Variants in ABCA13 observed in about 807,000 individuals in gnomAD.
ABCA13 encodes ATP binding cassette subfamily A member 13.
A neutral mutation model predicts 478.7 loss-of-function variants in ABCA13; 476 were observed. That is an observed-to-expected ratio of 0.99 (90% CI 0.92 to 1.07). The LOEUF is 1.07. ABCA13 is among the 50% of genes least tolerant of loss of function. ABCA13 has a pLI of 0.00. For missense variants in ABCA13, 6,060 were observed against 5,910.6 expected (o/e 1.03, Z -0.83); for synonymous variants, 2,252 against 2,158.9 (o/e 1.04, Z -1.20).
chr7:48,520,218 G>T lies in ABCA13; in HGVS notation c.13975G>T (p.Val4659Leu), dbSNP rs369296047. ...GATGAACTTTCTGGGCTGGATCTTC[G>T]TGCAACTGGCCTCGCAGGGCACAGT... ...FEMNFLGWIF[V>L]QLASQGTVLL... Residue 4659 changes from valine (V) to leucine (L), a missense_variant, in exon 53 of 62, where the codon GTG (valine) becomes TTG (leucine). Val to Leu is a conservative substitution (Grantham distance 32). This residue lies in a region of ABCA13 where 1,627 missense variants were observed against 1,571.0 expected (regional missense o/e 1.04). Transcript: ENST00000435803. The T allele has an allele frequency of 6.2e-7, 1 of 1,613,478 alleles. No individual in the cohort carries two copies. Among genetic ancestry groups the T allele is most frequent in the East Asian group, 2.2e-5 (1 of 44,792 alleles).
chr7:48,554,822 TTTATTATTA>T (rs58085063), intron 55 of ABCA13, among the ~76,000 whole-genome samples: 20,458 of 147,316 alleles, frequency 0.14, 1,767 homozygotes, highest in African/African-American at 0.23. Flanking sequence ...ATTATTATTA[TTTATTATTA>T]TTATTATTAT....
intron 46 of ABCA13, among the ~76,000 whole-genome samples, chr7:48,482,047 T>A (rs1248754370): frequency 1.3e-5 from 2 of 152,160 alleles, no homozygotes; most frequent in Admixed American, 6.5e-5. Context: ...AACATTATAT[T>A]TTTTTAAATG....
intron 28 of ABCA13, 118 bp downstream of exon 28, chr7:48,335,653 T>G (rs1438845748): frequency 3.2e-6 from 2 of 628,398 alleles, no homozygotes; most frequent in African/African-American, 3.7e-5. Flanking sequence ...TGGTTCTAGT[T>G]GACTCATATA....
intron 15 of ABCA13, among the ~76,000 whole-genome samples, chr7:48,255,688 C>A (rs998892018): frequency 2.6e-5 from 4 of 152,012 alleles, no homozygotes; most frequent in Admixed American, 1.3e-4. Context: ...TATGTACCAC[C>A]TTTTCTTTAT....
intron 55 of ABCA13, among the ~76,000 whole-genome samples, chr7:48,552,182 A>G (rs1785388312): frequency 6.6e-6 from 1 of 151,756 alleles, no homozygotes; most frequent in African/African-American, 2.4e-5. Context: ...AGGGCCTTAA[A>G]AAAAAAGTTA....
intron 55 of ABCA13, among the ~76,000 whole-genome samples, chr7:48,559,480 C>T (rs1786220905): frequency 6.6e-6 from 1 of 152,120 alleles, no homozygotes; most frequent in Admixed American, 6.5e-5. Context: ...TAGGCTTGGA[C>T]TCTGATACCC....
At chr7:48,632,836 A>G (rs930083009) in intron 59 of ABCA13, among the ~76,000 whole-genome samples, 64 of 152,312 alleles carry the variant, frequency 4.2e-4, no homozygotes, top group African/African-American at 1.5e-3. Context: ...CGTGTTTTCA[A>G]TAAGTAGTGC....
Position 48,313,174 on chromosome 7 carries a change from T to C in ABCA13, c.9624T>C (p.Pro3208=), listed in dbSNP as rs746884358. ...CCCAGCACGTCTTTGAGTATCTTCCTGAGTTTCTTCACACATTTAAAATCA... is the reference window on the plus strand; with the variant it reads ...CCCAGCACGTCTTTGAGTATCTTCCCGAGTTTCTTCACACATTTAAAATCA... The part of the protein sequence containing the change: ...AKAQHVFEYL[P]EFLHTFKITA... The change falls in exon 25 of 62, where the codon CCT becomes CCC. Residue 3208 remains proline, a synonymous_variant. Transcript: ENST00000435803. 1 of 1,612,944 alleles carries C rather than the reference T, an allele frequency of 6.2e-7. No homozygotes were observed. The highest frequency in any genetic ancestry group is 8.5e-7 in the Non-Finnish European group (1 of 1,179,394).
chr7:48,471,433 GT>G, intron 44 of ABCA13, 96 bp from the exon 45 acceptor site: 1 of 1,113,570 alleles, frequency 9.0e-7, no homozygotes, highest in South Asian at 1.4e-5. Context: ...TGATTATCTT[GT>G]GAACTCTGTT....
At chr7:48,296,958 G>C (rs1222613876) in intron 21 of ABCA13, among the ~76,000 whole-genome samples, 1 of 152,122 alleles carries the variant, frequency 6.6e-6, no homozygotes, top group Non-Finnish European at 1.5e-5. Flanking sequence ...CTTCACAGTT[G>C]TGAAAAGCCA....
chr7:48,550,402 C>A (rs939637038), intron 55 of ABCA13, among the ~76,000 whole-genome samples: 11 of 151,430 alleles, frequency 7.3e-5, no homozygotes, highest in African/African-American at 2.4e-4. Context: ...GGAGTACAGG[C>A]GCCTGCCACC....
chr7:48,610,311 G>A (rs142369107), intron 58 of ABCA13, among the ~76,000 whole-genome samples: 2 of 152,306 alleles, frequency 1.3e-5, no homozygotes, highest in South Asian at 2.1e-4. Context: ...AATCTCCTTT[G>A]ATTCCATGTC....
At chr7:48,210,289 A>C (rs1440401470) in intron 3 of ABCA13, among the ~76,000 whole-genome samples, 1 of 152,180 alleles carries the variant, frequency 6.6e-6, no homozygotes, top group Non-Finnish European at 1.5e-5. Context: ...CACTATCATG[A>C]GAAGAGCATG....
Position 48,580,325 on chromosome 7 carries a change from T to C in ABCA13, c.14456T>C (p.Leu4819Pro), listed in dbSNP as rs748181629. The change falls in exon 56 of 62, where the codon CTC (leucine) becomes CCC (proline). Residue 4819 changes from leucine (L) to proline (P), a missense_variant. Leu to Pro is a moderately conservative substitution (Grantham distance 98). This residue lies in a region of ABCA13 where 1,627 missense variants were observed against 1,571.0 expected (regional missense o/e 1.04). Transcript: ENST00000435803. The part of the protein sequence containing the change: ...LDELLTGWEH[L>P]YYYCSLRGIP... ...GAGCTTCTGACTGGTTGGGAACATC[T>C]CTATTATTACTGTAGCTTACGCGGG... is the stretch of plus-strand genomic sequence containing the variant. The C allele has an allele frequency of 6.2e-7, 1 of 1,613,132 alleles. No individual in the cohort carries two copies. The highest frequency in any genetic ancestry group is 8.5e-7 in the Non-Finnish European group (1 of 1,179,600).
rs947676876 is a variant in ABCA13, at chr7:48,643,357, C to T, written c.14907C>T (p.Asp4969=). The T allele has an allele frequency of 4.3e-6, 7 of 1,613,488 alleles. No individual in the cohort carries two copies. The Admixed American group carries it at 5.0e-5, about 12-fold the overall frequency. ...KEANQHCTVS[D]HLKLYFPGIQ... Reference sequence around the variant, plus strand: ...CAAATCAACATTGCACTGTTTCTGACCACTTGAAGCTTTATTTTCCAGGAA... The same window carrying T: ...CAAATCAACATTGCACTGTTTCTGATCACTTGAAGCTTTATTTTCCAGGAA... The change falls in exon 60 of 62, where the codon GAC becomes GAT. Residue 4969 remains aspartate (D), a synonymous_variant. Coordinates refer to ENST00000435803, the MANE Select transcript of ABCA13 (RefSeq NM_152701.5).
chr7:48,300,659 G>T (rs915802484), intron 23 of ABCA13, among the ~76,000 whole-genome samples: 1 of 152,206 alleles, frequency 6.6e-6, no homozygotes, highest in Non-Finnish European at 1.5e-5. Flanking sequence ...CAGATGCATG[G>T]ATACCATCTC....
intron 49 of ABCA13, 57 bp from the exon 50 acceptor site, chr7:48,507,815 C>T (rs1423979632): frequency 3.1e-5 from 46 of 1,498,190 alleles, no homozygotes; most frequent in Non-Finnish European, 4.0e-5. Context: ...TTGTTATTAG[C>T]AAAGAAGGCT....
At chr7:48,374,514 C>A in intron 34 of ABCA13, 98 bp downstream of exon 34, 1 of 1,086,394 alleles carries the variant, frequency 9.2e-7, no homozygotes, top group South Asian at 1.5e-5. Flanking sequence ...TCTTCATTAT[C>A]AAGTAGAGCA....
At chr7:48,426,860 A>G (rs985060231) in intron 41 of ABCA13, among the ~76,000 whole-genome samples, 1 of 152,094 alleles carries the variant, frequency 6.6e-6, no homozygotes, top group African/African-American at 2.4e-5. Flanking sequence ...CTGAACTTTA[A>G]ATACTGTGAT....
Sources: gnomAD v4.1 joint callset for allele counts (sites outside exome capture counted in the v4.1 genomes callset) on GRCh38, gnomAD v4.1.1 for gene constraint, gnomAD v4.1.1 regional missense constraint, MANE v1.5 for transcripts, NCBI Gene and HGNC (gene_info 2026-07-23, HGNC 2026-07-21) for gene names.